The following PCDHA3 variants were observed in gnomAD, a reference collection of about 807,000 sequenced individuals.
The protein encoded by PCDHA3 is protocadherin alpha 3, also known as protocadherin alpha-3.
In PCDHA3, 41 loss-of-function variants were observed where a neutral mutation model predicts 62.2. That is an observed-to-expected ratio of 0.66 (90% CI 0.51 to 0.86). The LOEUF is 0.86. Ranked by LOEUF, PCDHA3 falls within the 40% of genes least tolerant of loss-of-function variation. The pLI is 0.00. For synonymous variants in PCDHA3, 640 were observed against 555.4 expected (o/e 1.15, Z -2.14); for missense variants, 1,304 against 1,241.2 (o/e 1.05, Z -0.76).
intron 1 of PCDHA3, chr5:140,861,340 C>T (rs1364602007): frequency 3.6e-6 from 1 of 276,532 alleles, no homozygotes; most frequent in African/African-American, 2.2e-5. Context: ...TGGAAGAGGC[C>T]AAGGACGGCA....
intron 1 of PCDHA3, among the ~76,000 whole-genome samples, chr5:140,970,269 A>G (rs1410341195): frequency 6.6e-6 from 1 of 152,184 alleles, no homozygotes; most frequent in East Asian, 1.9e-4. Flanking sequence ...TTTTGATGAG[A>G]TGTAAAGTAG....
chr5:140,870,935 A>C, intron 1 of PCDHA3: 2 of 1,613,778 alleles, frequency 1.2e-6, no homozygotes, highest in African/African-American at 2.7e-5. Context: ...TATGAATTGC[A>C]GCCGGCGGCG....
At chr5:140,811,664 G>A (rs2126630943) in intron 1 of PCDHA3, 173 of 152,272 alleles carry the variant, frequency 1.1e-3, no homozygotes, top group African/African-American at 4.1e-3. Context: ...AGCATGTGTT[G>A]TTTCCTGACT....
rs782292532 is a variant in PCDHA3, at chr5:140,808,928, G to C, written c.2394+5337G>C. ...CACTGGTGGCGCAGTGAGCGAGCTG[G>C]TGCCATGGTCGGTGGGTGTGGGCCA... On this transcript the variant is annotated intron_variant, in intron 1 of 3. Transcript: ENST00000522353. 3.1e-6 allele frequency: 5 copies of C among 1,613,746 alleles called. No individual in the cohort carries two copies. The highest frequency in any genetic ancestry group is 1.7e-4 in the Middle Eastern group (1 of 6,044).
intron 1 of PCDHA3, chr5:140,868,273 C>A (rs1311976993): frequency 6.6e-6 from 1 of 151,892 alleles, no homozygotes; most frequent in Non-Finnish European, 1.5e-5. Flanking sequence ...TTTTTTAAAA[C>A]TACCAAGTTT....
chr5:140,951,841 AAAAGTCC>A (rs1266500275), intron 1 of PCDHA3, among the ~76,000 whole-genome samples: 1 of 152,182 alleles, frequency 6.6e-6, no homozygotes, highest in African/African-American at 2.4e-5. Context: ...GCATTAAGCC[AAAAGTCC>A]AAAGTCCAAA....
intron 1 of PCDHA3, chr5:140,808,014 A>T (rs1764082406): frequency 1.9e-6 from 3 of 1,613,822 alleles, no homozygotes; most frequent in South Asian, 2.2e-5. Flanking sequence ...TTGAATGGGG[A>T]CATTGTTTAT....
chr5:140,809,115 C>T (rs17844284), intron 1 of PCDHA3: 1 of 1,613,980 alleles, frequency 6.2e-7, no homozygotes, highest in South Asian at 1.1e-5. Flanking sequence ...ACGGACGCTC[C>T]GCGCCACCGC....
In PCDHA3 at chr5:140,830,080, C is replaced by T. The variant is rs2150180869; in HGVS notation, c.2394+26489C>T. The T allele has an allele frequency of 3.1e-6, 5 of 1,613,516 alleles. No individual in the cohort carries two copies. The South Asian group carries it at 5.5e-5, about 18-fold the overall frequency. Reference sequence around the variant, plus strand: ...GTGAGCCGGCGCTGACAGCGACGGCCACGGTTCTGGTGTCGCTGGTGGAGA... The same window carrying T: ...GTGAGCCGGCGCTGACAGCGACGGCTACGGTTCTGGTGTCGCTGGTGGAGA... On this transcript the variant is annotated intron_variant, in intron 1 of 3. Transcript: ENST00000522353.
chr5:140,819,494 A>T (rs2150104482), intron 1 of PCDHA3, among the ~76,000 whole-genome samples: 2 of 152,164 alleles, frequency 1.3e-5, no homozygotes, highest in Non-Finnish European at 2.9e-5. Context: ...AACATGACTG[A>T]AATATCTAAA....
At chr5:140,927,808 T>A (rs782535814) in intron 1 of PCDHA3, 1 of 1,614,208 alleles carries the variant, frequency 6.2e-7, no homozygotes, top group African/African-American at 1.3e-5. Context: ...TGAAACGCTC[T>A]TGGAGGCATA....
intron 1 of PCDHA3, among the ~76,000 whole-genome samples, chr5:140,939,679 T>A (rs2092435989): frequency 6.6e-6 from 1 of 152,196 alleles, no homozygotes; most frequent in South Asian, 2.1e-4. Context: ...TGTATGTATG[T>A]GTGTGTTGCT....
intron 1 of PCDHA3, among the ~76,000 whole-genome samples, chr5:140,911,641 C>A (rs1403591383): frequency 6.6e-6 from 1 of 152,174 alleles, no homozygotes; most frequent in East Asian, 1.9e-4. Flanking sequence ...AAAGGTATTA[C>A]ATATAGAGTT....
At position 140,858,238 on chromosome 5, in the gene PCDHA3, T is replaced by C. The variant is rs1351813678; in HGVS notation, c.2394+54647T>C. 3.1e-6 allele frequency: 5 copies of C among 1,595,920 alleles called. 1 individual carries two copies. Among genetic ancestry groups the C allele is most frequent in the Non-Finnish European group, 4.3e-6 (5 of 1,166,390 alleles). ...CGGCGGCGCCCACCGAGGGCGCATGTGGGCCGGTGAAGCCCACGCTGGTGT... is the reference window on the plus strand; with the variant it reads ...CGGCGGCGCCCACCGAGGGCGCATGCGGGCCGGTGAAGCCCACGCTGGTGT... On this transcript the variant is annotated intron_variant, in intron 1 of 3. Coordinates refer to ENST00000522353, the MANE Select transcript of PCDHA3 (RefSeq NM_018906.3).
In PCDHA3 at chr5:140,857,333, G is replaced by A. The variant is rs200210897; in HGVS notation, c.2394+53742G>A. 35 of 1,598,586 alleles carry A rather than the reference G, an allele frequency of 2.2e-5. 1 individual carries two copies. The highest frequency in any genetic ancestry group is 4.4e-5 in the South Asian group (4 of 90,524). On this transcript the variant is annotated intron_variant, in intron 1 of 3. Coordinates refer to ENST00000522353, the MANE Select transcript of PCDHA3 (RefSeq NM_018906.3). ...TGAGCTGGTGGTGACCGCGCGGGAC[G>A]GGGGCTCGCCTCCGCTGTGGGCCAC... is the stretch of plus-strand genomic sequence containing the variant.
At chr5:140,824,286 AG>A in intron 1 of PCDHA3, 1 of 1,021,950 alleles carries the variant, frequency 9.8e-7, no homozygotes, top group East Asian at 2.4e-5. Flanking sequence ...GCTTTTTATG[AG>A]GCTTTTCTGC....
intron 1 of PCDHA3, chr5:140,868,630 T>G (rs1440809892): frequency 6.5e-6 from 1 of 154,578 alleles, no homozygotes; most frequent in Non-Finnish European, 1.4e-5. Context: ...CTGAATTCTC[T>G]TTCTCTCTCA....
intron 3 of PCDHA3, among the ~76,000 whole-genome samples, chr5:141,002,843 A>G (rs2098098678): frequency 6.6e-6 from 1 of 152,224 alleles, no homozygotes; most frequent in African/African-American, 2.4e-5. Context: ...AGGACTATGC[A>G]CTAGTGAGAG....
chr5:140,828,159 C>G lies in PCDHA3; in HGVS notation c.2394+24568C>G, dbSNP rs2150151568. On this transcript the variant is annotated intron_variant, in intron 1 of 3. Transcript: ENST00000522353. Reference sequence around the variant, plus strand: ...CTCCTCCCGCTTCTGCTCCTCGCAGCCTGGAAGGTGGGGAGCGGCCAGCTC... The same window carrying G: ...CTCCTCCCGCTTCTGCTCCTCGCAGGCTGGAAGGTGGGGAGCGGCCAGCTC... 4 of 1,614,180 alleles carry G rather than the reference C, an allele frequency of 2.5e-6. No individual in the cohort carries two copies.
Sources: gnomAD v4.1 joint callset for allele counts (sites outside exome capture counted in the v4.1 genomes callset) on GRCh38, gnomAD v4.1.1 for gene constraint, MANE v1.5 for transcripts, NCBI Gene and HGNC (gene_info 2026-07-23, HGNC 2026-07-21) for gene names.